Variants in PIR observed in about 807,000 individuals in gnomAD.
PIR encodes the protein pirin.
A neutral mutation model predicts 24.2 loss-of-function variants in PIR; 22 were observed. That is an observed-to-expected ratio of 0.91 (90% CI 0.65 to 1.30). The LOEUF (loss-of-function observed/expected upper bound fraction) is 1.30. Ranked by LOEUF, PIR falls within the 50% of genes most tolerant of loss-of-function variation. The pLI, the probability that PIR is intolerant of heterozygous loss-of-function variation, is 0.00. For synonymous variants in PIR, 80 were observed against 79.6 expected (o/e 1.00, Z -0.03); for missense variants, 220 against 220.3 (o/e 1.00, Z 0.01).
intron 6 of PIR, among the ~76,000 whole-genome samples, chrX:15,423,964 T>G (rs1023271691): frequency 5.4e-5 from 6 of 111,863 alleles, no homozygotes; most frequent in Admixed American, 3.8e-4. Flanking sequence ...TTGTATACAG[T>G]CAGTGAGAAT....
chrX:15,409,822 A>G (rs1924678887), intron 6 of PIR, among the ~76,000 whole-genome samples: 1 of 112,297 alleles, frequency 8.9e-6, no homozygotes, highest in Non-Finnish European at 1.9e-5. Flanking sequence ...TAAGAATATG[A>G]AAGTGTGGGA....
At chrX:15,423,607 C>A (rs1472870094) in intron 6 of PIR, among the ~76,000 whole-genome samples, 1 of 95,329 alleles carries the variant, frequency 1.0e-5, no homozygotes, top group African/African-American at 4.3e-5. Context: ...CAGAGCAAGA[C>A]TCTGTCTTAA....
chrX:15,437,271 G>C (rs1275385915), intron 5 of PIR, among the ~76,000 whole-genome samples: 2 of 111,825 alleles, frequency 1.8e-5, no homozygotes, highest in African/African-American at 6.5e-5. Flanking sequence ...GTCCATTGCT[G>C]CCTGACATTC....
At chrX:15,491,138 G>T (rs375910296) in intron 2 of PIR, 24 bp downstream of exon 2, 2 of 1,066,898 alleles carry the variant, frequency 1.9e-6, no homozygotes, top group Non-Finnish European at 2.6e-6. Context: ...AAGAAAACAA[G>T]GAGCAGCCAC....
chrX:15,469,373 T>G (rs1034765943), intron 3 of PIR, among the ~76,000 whole-genome samples: 4 of 112,017 alleles, frequency 3.6e-5, no homozygotes, highest in Non-Finnish European at 7.5e-5. Context: ...AGATAAAATG[T>G]CATTACAAAC....
chrX:15,426,315 C>A (rs1925316254), intron 5 of PIR, among the ~76,000 whole-genome samples: 1 of 112,083 alleles, frequency 8.9e-6, no homozygotes, highest in African/African-American at 3.2e-5. Context: ...CAGTCTTCCA[C>A]TTGATATGGC....
At chrX:15,389,347 C>G (rs1485791069) in intron 9 of PIR, among the ~76,000 whole-genome samples, 1 of 111,584 alleles carries the variant, frequency 9.0e-6, no homozygotes, top group Non-Finnish European at 1.9e-5. Context: ...AATGTTCCCC[C>G]TGAAGTAGTT....
intron 5 of PIR, among the ~76,000 whole-genome samples, chrX:15,439,460 A>C (rs1287819157): frequency 8.9e-6 from 1 of 112,284 alleles, no homozygotes; most frequent in African/African-American, 3.2e-5. Context: ...TTGAAGTTAC[A>C]TGTTGCTTCC....
intron 6 of PIR, among the ~76,000 whole-genome samples, chrX:15,415,896 A>G (rs1924899211): frequency 9.0e-6 from 1 of 111,466 alleles, no homozygotes; most frequent in Non-Finnish European, 1.9e-5. Context: ...AAGAAGCCAC[A>G]GAAAGCACTA....
intron 6 of PIR, among the ~76,000 whole-genome samples, chrX:15,413,394 G>A (rs984949669): frequency 1.8e-5 from 2 of 111,169 alleles, no homozygotes; most frequent in Admixed American, 9.6e-5. Context: ...ACATTTTTGC[G>A]ACGTCTCCCA....
intron 9 of PIR, among the ~76,000 whole-genome samples, chrX:15,386,817 A>G (rs1361192719): frequency 9.0e-6 from 1 of 111,030 alleles, no homozygotes; most frequent in Non-Finnish European, 1.9e-5. Flanking sequence ...CTTTGGATGC[A>G]ATCTACAGGA....
chrX:15,448,867 G>A lies in PIR; in HGVS notation c.480+6981C>T, dbSNP rs112458683. 3.7e-3 allele frequency among the ~76,000 whole-genome samples: 411 copies of A among 111,845 alleles called. 1 individual carries two copies. Among genetic ancestry groups the A allele is most frequent in the Middle Eastern group, 9.3e-3 (2 of 215 alleles). On this transcript the variant is annotated intron_variant, in intron 5 of 9. Transcript: ENST00000380420. Reference sequence around the variant, plus strand: ...GAGATTTTCACATACTGCTGTTTTCGTATTTCCTGTGTCACATTATACTTC... The same window carrying A: ...GAGATTTTCACATACTGCTGTTTTCATATTTCCTGTGTCACATTATACTTC...
Position 15,397,542 on chromosome X carries a change from A to G in PIR, c.611-11T>C. On this transcript the variant is annotated splice_polypyrimidine_tract_variant and intron_variant, in intron 7 of 9. Coordinates refer to ENST00000380420, the MANE Select transcript of PIR (RefSeq NM_001018109.3). ...GTGCATCATCGGGCCCTACAAAACC[A>G]ATGACACACTAATTTAATACCCATT... The G allele has an allele frequency of 8.7e-7, 1 of 1,144,890 alleles. No homozygotes were observed. Among genetic ancestry groups the G allele is most frequent in the Non-Finnish European group, 1.2e-6 (1 of 834,513 alleles). The allele number at this position is 1,144,890 out of a possible 1,213,427, so 94.4% of individuals were successfully genotyped here.
intron 3 of PIR, among the ~76,000 whole-genome samples, chrX:15,471,102 C>T (rs1021661874): frequency 3.6e-5 from 4 of 112,103 alleles, no homozygotes; most frequent in Non-Finnish European, 5.6e-5. Flanking sequence ...ATGTGACCTA[C>T]GCTTGTTAAC....
chrX:15,478,326 G>A (rs1312619163), intron 3 of PIR: 1 of 112,148 alleles, frequency 8.9e-6, no homozygotes, highest in African/African-American at 3.2e-5. Context: ...ACCAAATGAA[G>A]GAGAAAGTGC....
At chrX:15,389,329 T>C (rs1923877814) in intron 9 of PIR, among the ~76,000 whole-genome samples, 1 of 111,649 alleles carries the variant, frequency 9.0e-6, no homozygotes, top group Non-Finnish European at 1.9e-5. Flanking sequence ...CAAGGCAGGG[T>C]ACAATTTAAT....
intron 4 of PIR, 44 bp from the exon 5 acceptor site, chrX:15,456,098 T>G: frequency 1.9e-6 from 2 of 1,062,909 alleles, no homozygotes; most frequent in Non-Finnish European, 2.6e-6. Context: ...ACCAAGCTCC[T>G]AATAAGTCTA....
chrX:15,398,217 G>A (rs1482462205), intron 7 of PIR, among the ~76,000 whole-genome samples: 1 of 111,404 alleles, frequency 9.0e-6, no homozygotes. Flanking sequence ...TGCATGTTGT[G>A]CACATGTACC....
At chrX:15,471,549 A>G (rs1053437466) in intron 3 of PIR, among the ~76,000 whole-genome samples, 9 of 111,010 alleles carry the variant, frequency 8.1e-5, no homozygotes, top group African/African-American at 3.0e-4. Context: ...TCCACCTCCC[A>G]TCCTTCCACA....
Sources: allele counts gnomAD v4.1 joint callset (sites outside exome capture counted in the v4.1 genomes callset), GRCh38; gene constraint gnomAD v4.1.1; transcripts MANE v1.5; gene names NCBI Gene and HGNC (gene_info 2026-07-23, HGNC 2026-07-21).